The following HUNK variants were observed in gnomAD, a reference collection of about 807,000 sequenced individuals.
HUNK encodes the protein hormonally up-regulated neu tumor-associated kinase.
In HUNK, 21 loss-of-function variants were observed where a neutral mutation model predicts 61.0. The observed-to-expected ratio is 0.34, with a 90% CI of 0.24 to 0.50. The LOEUF (loss-of-function observed/expected upper bound fraction) is 0.50, where lower values mean the gene tolerates loss of function less well. Among genes scored for constraint, HUNK ranks in the 20% least tolerant of loss-of-function variants. The pLI, the probability that HUNK is intolerant of heterozygous loss-of-function variation, is 0.98. For synonymous variants in HUNK, 371 were observed against 386.1 expected, an observed-to-expected ratio of 0.96 and a Z score of 0.46; for missense variants, 772 against 945.7, an observed-to-expected ratio of 0.82 and a Z score of 2.41.
At chr21:31,985,883 G>A (rs1029939657) in intron 8 of HUNK, among the ~76,000 whole-genome samples, 6 of 152,174 alleles carry the variant, frequency 3.9e-5, no homozygotes, top group African/African-American at 9.7e-5. Context: ...GACCTCGATA[G>A]AAGGATGCTC....
At chr21:31,896,254 A>G (rs1462206182) in intron 1 of HUNK, among the ~76,000 whole-genome samples, 1 of 152,180 alleles carries the variant, frequency 6.6e-6, no homozygotes, top group Non-Finnish European at 1.5e-5. Context: ...TACACTCTTC[A>G]TACACCTCCA....
Position 31,905,877 on chromosome 21 carries a change from G to A in HUNK, c.262-18591G>A, listed in dbSNP as rs111818558. ...TTCTCATAGCATAGAGAAGCCATCTGCAGAGGTTTATTGAGGACCTCCTGT... is the reference window on the plus strand; with the variant it reads ...TTCTCATAGCATAGAGAAGCCATCTACAGAGGTTTATTGAGGACCTCCTGT... On this transcript the variant is annotated intron_variant, in intron 1 of 10. Transcript: ENST00000270112. 5.1e-3 allele frequency among the ~76,000 whole-genome samples: 771 copies of A among 152,344 alleles called. 8 individuals carry two copies. The highest frequency in any genetic ancestry group is 0.017 in the African/African-American group (726 of 41,588).
At chr21:31,938,137 C>T (rs1199903663) in intron 2 of HUNK, among the ~76,000 whole-genome samples, 1 of 152,084 alleles carries the variant, frequency 6.6e-6, no homozygotes, top group Non-Finnish European at 1.5e-5. Context: ...TAATTCTTAC[C>T]ATCTTGTAGT....
rs1196775225 is a variant in HUNK, at chr21:31,924,703, A to G, written c.497A>G (p.Tyr166Cys). The part of the protein sequence containing the change: ...KRLEESEARR[Y>C]IRQLISAVEH... ...CTGGAGGAGTCCGAAGCCCGCAGAT[A>G]CATCCGACAGCTCATCTCTGCCGTA... The change falls in exon 2 of 11, where the codon TAC (tyrosine) becomes TGC (cysteine). Residue 166 changes from tyrosine to cysteine, a missense_variant. Physicochemically the swap from Tyr to Cys is radical, Grantham distance 194. Around this residue, in one of 2 missense-constraint regions of HUNK, gnomAD observed 359 missense variants for 501.3 expected, o/e 0.72. Transcript: ENST00000270112. This position sits in a 1 kb window ranked among gnomAD's most constrained non-coding sequence, Gnocchi z 5.1. The G allele has an allele frequency of 6.2e-7, 1 of 1,613,782 alleles. No homozygotes were observed. Among genetic ancestry groups the G allele is most frequent in the African/African-American group, 1.3e-5 (1 of 74,894 alleles).
At chr21:31,964,150 G>C (rs1195484322) in intron 5 of HUNK, among the ~76,000 whole-genome samples, 1 of 152,180 alleles carries the variant, frequency 6.6e-6, no homozygotes, top group Non-Finnish European at 1.5e-5. Flanking sequence ...GTCACTTCAG[G>C]TTATGATGGT....
At chr21:31,990,250 G>C in intron 9 of HUNK, 74 bp downstream of exon 9, 2 of 1,329,036 alleles carry the variant, frequency 1.5e-6, no homozygotes, top group Non-Finnish European at 2.2e-6. Flanking sequence ...TGGAGAGAGA[G>C]AGAGATTGAG....
intron 1 of HUNK, among the ~76,000 whole-genome samples, chr21:31,910,219 G>A (rs2052536640): frequency 6.6e-6 from 1 of 152,118 alleles, no homozygotes. Flanking sequence ...AGTTCTGCAG[G>A]CTGGAAACCT....
chr21:31,993,189 A>T (rs746755034), intron 9 of HUNK, among the ~76,000 whole-genome samples: 2 of 152,206 alleles, frequency 1.3e-5, no homozygotes, highest in African/African-American at 2.4e-5. Context: ...ATTTGGTCTT[A>T]CAGGCCAACC....
At chr21:31,932,084 C>T (rs367973867) in intron 2 of HUNK, among the ~76,000 whole-genome samples, 2 of 152,036 alleles carry the variant, frequency 1.3e-5, no homozygotes, top group East Asian at 3.8e-4. Context: ...CTCATGCTCT[C>T]CCCCACGTGC....
chr21:31,977,133 AT>A (rs2123854278), intron 7 of HUNK, among the ~76,000 whole-genome samples: 1 of 152,252 alleles, frequency 6.6e-6, no homozygotes, highest in African/African-American at 2.4e-5. Context: ...TAAAATTTCT[AT>A]TTATTATATA....
intron 1 of HUNK, among the ~76,000 whole-genome samples, chr21:31,882,669 T>C (rs952035411): frequency 6.6e-6 from 1 of 152,212 alleles, no homozygotes; most frequent in African/African-American, 2.4e-5. Flanking sequence ...GTTGGTATTA[T>C]ATCAAGTCCT....
chr21:31,908,882 T>G (rs919525480), intron 1 of HUNK, among the ~76,000 whole-genome samples: 2 of 152,128 alleles, frequency 1.3e-5, no homozygotes, highest in Admixed American at 6.5e-5. Flanking sequence ...GGGTTTTTTT[T>G]GCCAATATAT....
intron 6 of HUNK, among the ~76,000 whole-genome samples, chr21:31,970,796 G>A (rs1418378853): frequency 6.6e-6 from 1 of 152,164 alleles, no homozygotes; most frequent in Non-Finnish European, 1.5e-5. Context: ...TTGCAGACAG[G>A]CTTTGATAGA....
At position 31,985,794 on chromosome 21, in the gene HUNK, TG is replaced by T. The variant is rs140796332; in HGVS notation, c.1257+2191del. Among the ~76,000 whole-genome samples, 986 of 152,050 alleles carry T rather than the reference TG, an allele frequency of 6.5e-3. 8 individuals carry two copies. Among genetic ancestry groups the T allele is most frequent in the African/African-American group, 0.021 (863 of 41,460 alleles). On this transcript the variant is annotated intron_variant, in intron 8 of 10. Coordinates refer to ENST00000270112, the MANE Select transcript of HUNK (RefSeq NM_014586.2). ...AGGCAGAAGAGAGGTTGCATGGATT[TG>T]GGGGGTGGGAGAGGGGAAGGGAAGT...
chr21:31,977,009 A>G (rs962084128), intron 7 of HUNK, among the ~76,000 whole-genome samples: 2 of 151,942 alleles, frequency 1.3e-5, no homozygotes, highest in African/African-American at 4.8e-5. Context: ...GAGCTCAAGC[A>G]GTCTGCCCAC....
At chr21:31,976,769 C>CTT (rs398036366) in intron 7 of HUNK, among the ~76,000 whole-genome samples, 5 of 136,828 alleles carry the variant, frequency 3.7e-5, no homozygotes, top group African/African-American at 8.1e-5. Flanking sequence ...ACCTGGCCCT[C>CTT]TTTTTTTTTT....
chr21:31,884,449 A>G (rs889802669), intron 1 of HUNK, among the ~76,000 whole-genome samples: 1 of 151,970 alleles, frequency 6.6e-6, no homozygotes, highest in Non-Finnish European at 1.5e-5. Context: ...AAAATTAGCC[A>G]GGCGTGGTGG....
At chr21:31,958,724 G>C in intron 4 of HUNK, 119 bp from the exon 5 acceptor site, 1 of 893,310 alleles carries the variant, frequency 1.1e-6, no homozygotes, top group Admixed American at 2.4e-5. Flanking sequence ...ACTTTGAAGA[G>C]GGCCTGTTGA....
At chr21:31,881,807 A>G (rs2052310102) in intron 1 of HUNK, among the ~76,000 whole-genome samples, 1 of 152,102 alleles carries the variant, frequency 6.6e-6, no homozygotes, top group African/African-American at 2.4e-5. Context: ...TCTCCCTGCA[A>G]TGAGGGAGCA....
Sources: gnomAD v4.1 joint callset for allele counts (sites outside exome capture counted in the v4.1 genomes callset) on GRCh38, gnomAD v4.1.1 for gene constraint, gnomAD v4.1.1 regional missense constraint, Gnocchi (gnomAD v3.1) non-coding constraint, MANE v1.5 for transcripts, NCBI Gene and HGNC (gene_info 2026-07-23, HGNC 2026-07-21) for gene names.